GALNT18: variants seen among roughly 807,000 people sequenced by gnomAD.
GALNT18 encodes GalNAc-transferase 18.
A neutral mutation model predicts 69.5 loss-of-function variants in GALNT18; 44 were observed. That is an observed-to-expected ratio of 0.63 (90% CI 0.50 to 0.81). The LOEUF (loss-of-function observed/expected upper bound fraction) is 0.81, where lower values mean the gene tolerates loss of function less well. GALNT18 is among the 40% of genes least tolerant of loss of function. The pLI is 0.00. For synonymous variants in GALNT18, 364 were observed against 318.2 expected, an observed-to-expected ratio of 1.14 and a Z score of -1.53; for missense variants, 715 against 810.0, an observed-to-expected ratio of 0.88 and a Z score of 1.42.
chr11:11,584,964 T>C lies in GALNT18; in HGVS notation c.235+36395A>G, dbSNP rs185251677. ...ATTATGGAAAACTTGCCTCCACCAC[T>C]ATGAGCTTGACGGCTTCCCAACACC... On this transcript the variant is annotated intron_variant, in intron 1 of 10. Coordinates refer to ENST00000227756, the MANE Select transcript of GALNT18 (RefSeq NM_198516.3). This position sits in a 1 kb window ranked among gnomAD's most constrained non-coding sequence, Gnocchi z 4.1. Among the ~76,000 whole-genome samples, 1 of 152,308 alleles carries C rather than the reference T, an allele frequency of 6.6e-6. No homozygotes were observed. Among genetic ancestry groups the C allele is most frequent in the Non-Finnish European group, 1.5e-5 (1 of 68,028 alleles).
chr11:11,465,633 G>A lies in GALNT18; in HGVS notation c.236-16697C>T, dbSNP rs1036102523. On this transcript the variant is annotated intron_variant, in intron 1 of 10. Transcript: ENST00000227756. This position sits in a 1 kb window ranked among gnomAD's most constrained non-coding sequence, Gnocchi z 5.7. ...TTCTCTGCTGCTGGGGCTGATCAGGGGTAGAGAAATGGAGTGCCCAGACCA... is the reference window on the plus strand; with the variant it reads ...TTCTCTGCTGCTGGGGCTGATCAGGAGTAGAGAAATGGAGTGCCCAGACCA... Among the ~76,000 whole-genome samples, 4 of 152,030 alleles carry A rather than the reference G, an allele frequency of 2.6e-5. No individual in the cohort carries two copies. Among genetic ancestry groups the A allele is most frequent in the Non-Finnish European group, 4.4e-5 (3 of 68,014 alleles).
chr11:11,290,149 T>C (rs1406748803), intron 10 of GALNT18, among the ~76,000 whole-genome samples: 1 of 152,088 alleles, frequency 6.6e-6, no homozygotes, highest in African/African-American at 2.4e-5. Flanking sequence ...CCTGTCAACA[T>C]TTCCAGCCCA....
At chr11:11,516,027 G>A (rs1184509204) in intron 1 of GALNT18, among the ~76,000 whole-genome samples, 3 of 152,200 alleles carry the variant, frequency 2.0e-5, no homozygotes, top group African/African-American at 7.2e-5. Flanking sequence ...AAACAGCAGG[G>A]AAGCAGTCTA....
chr11:11,392,471 TA>T (rs1285236029), intron 3 of GALNT18, among the ~76,000 whole-genome samples: 3 of 151,976 alleles, frequency 2.0e-5, no homozygotes, highest in African/African-American at 4.8e-5. Context: ...AATACAAAAC[TA>T]GCTGGGTGTG....
rs192424840 is a variant in GALNT18, at chr11:11,566,145, T to A, written c.235+55214A>T. On this transcript the variant is annotated intron_variant, in intron 1 of 10. Coordinates refer to ENST00000227756, the MANE Select transcript of GALNT18 (RefSeq NM_198516.3). The stretch of plus-strand genomic sequence containing the variant: ...ATGCAAAGCATGAGCCTTGATTAGA[T>A]ACTGGATTACACAAACGTTAATGCA... Among the ~76,000 whole-genome samples the A allele has an allele frequency of 2.2e-4, 33 of 152,364 alleles. No homozygotes were observed. The East Asian group carries it at 6.4e-3, about 29-fold the overall frequency.
chr11:11,512,412 T>A (rs1182364711), intron 1 of GALNT18, among the ~76,000 whole-genome samples: 1 of 151,324 alleles, frequency 6.6e-6, no homozygotes, highest in Non-Finnish European at 1.5e-5. Context: ...TTACAGATTC[T>A]CTCTGGATTT....
In GALNT18 at chr11:11,605,562, C is replaced by T. The variant is rs1207341263; in HGVS notation, c.235+15797G>A. 6.6e-6 allele frequency among the ~76,000 whole-genome samples: 1 copy of T among 152,180 alleles called. No homozygotes were observed. The highest frequency in any genetic ancestry group is 2.4e-5 in the African/African-American group (1 of 41,438). ...GAGGGAAAGCCAGAGGCCAACTTCC[C>T]TTTACCTCTGGGGTCCCAAGCACTC... On this transcript the variant is annotated intron_variant, in intron 1 of 10. Transcript: ENST00000227756. The surrounding 1 kb of genome is among the most constrained non-coding windows in gnomAD (Gnocchi z 4.7).
Position 11,591,188 on chromosome 11 carries a change from G to A in GALNT18, c.235+30171C>T, listed in dbSNP as rs1013449698. Among the ~76,000 whole-genome samples the A allele has an allele frequency of 2.7e-5, 4 of 147,914 alleles. No individual in the cohort carries two copies. The highest frequency in any genetic ancestry group is 1.0e-4 in the African/African-American group (4 of 39,778). ...TGTGTGTGTGTGTGTGTGTGTGTTAGTTTTTAAGCCTTTTTAAGGCCTTTT... is the reference window on the plus strand; with the variant it reads ...TGTGTGTGTGTGTGTGTGTGTGTTAATTTTTAAGCCTTTTTAAGGCCTTTT... On this transcript the variant is annotated intron_variant, in intron 1 of 10. Transcript: ENST00000227756. This position sits in a 1 kb window ranked among gnomAD's most constrained non-coding sequence, Gnocchi z 4.8.
At position 11,488,300 on chromosome 11, in the gene GALNT18, T is replaced by C. The variant is rs145626014; in HGVS notation, c.236-39364A>G. ...CCATTTTCTTTCCTTTTTCAGCTTC[T>C]ATAAGCTTCCCGCATTCCTTGACTC... On this transcript the variant is annotated intron_variant, in intron 1 of 10. Coordinates refer to ENST00000227756, the MANE Select transcript of GALNT18 (RefSeq NM_198516.3). Among the ~76,000 whole-genome samples the C allele has an allele frequency of 1.8e-3, 279 of 152,330 alleles. 2 individuals are homozygous for C. The highest frequency in any genetic ancestry group is 6.3e-3 in the African/African-American group (263 of 41,574).
rs1859368033 is a variant in GALNT18 at position 11,591,836 on chromosome 11, T to C, written c.235+29523A>G. On this transcript the variant is annotated intron_variant, in intron 1 of 10. Coordinates refer to ENST00000227756, the MANE Select transcript of GALNT18 (RefSeq NM_198516.3). This position sits in a 1 kb window ranked among gnomAD's most constrained non-coding sequence, Gnocchi z 4.8. The stretch of plus-strand genomic sequence containing the variant: ...ACACACCTATAATCTTGAAAGCCAA[T>C]ACCCAGCTGTGATTAGATGTTATGA... Among the ~76,000 whole-genome samples the C allele has an allele frequency of 6.6e-6, 1 of 152,124 alleles. No individual in the cohort carries two copies. The highest frequency in any genetic ancestry group is 1.5e-5 in the Non-Finnish European group (1 of 68,024).
At chr11:11,352,070 A>T (rs774525526) in intron 6 of GALNT18, 1 of 1,613,700 alleles carries the variant, frequency 6.2e-7, no homozygotes, top group Non-Finnish European at 8.5e-7. Context: ...CTGACATCAC[A>T]TTGGCGCTGC....
intron 10 of GALNT18, among the ~76,000 whole-genome samples, chr11:11,286,502 T>TC (rs774006036): frequency 1.2e-4 from 18 of 151,530 alleles, no homozygotes; most frequent in Admixed American, 7.9e-4. Context: ...CTTTTTTTTT[T>TC]CTCCAGTGAG....
rs1856953979 is a variant in GALNT18, at chr11:11,500,546, T to C, written c.236-51610A>G. On this transcript the variant is annotated intron_variant, in intron 1 of 10. Coordinates refer to ENST00000227756, the MANE Select transcript of GALNT18 (RefSeq NM_198516.3). The surrounding 1 kb of genome is among the most constrained non-coding windows in gnomAD (Gnocchi z 5.0). Reference sequence around the variant, plus strand: ...GAGATGCGCCATGGGCATCTCTCAGTAGAAGGCAGCAGGGATGCTGGCAAG... The same window carrying C: ...GAGATGCGCCATGGGCATCTCTCAGCAGAAGGCAGCAGGGATGCTGGCAAG... 6.6e-6 allele frequency among the ~76,000 whole-genome samples: 1 copy of C among 152,110 alleles called. No homozygotes were observed. Among genetic ancestry groups the C allele is most frequent in the Non-Finnish European group, 1.5e-5 (1 of 68,022 alleles).
rs1003284265 is a variant in GALNT18, at chr11:11,332,405, G to A, written c.1416+289C>T. Among the ~76,000 whole-genome samples the A allele has an allele frequency of 6.6e-6, 1 of 152,170 alleles. No homozygotes were observed. Among genetic ancestry groups the A allele is most frequent in the African/African-American group, 2.4e-5 (1 of 41,434 alleles). ...TTGTTACCTTACCTTTTAATCTTAA[G>A]CTAACTGCTTTATTATGTGTTTTAT... On this transcript the variant is annotated intron_variant, in intron 8 of 10. Coordinates refer to ENST00000227756, the MANE Select transcript of GALNT18 (RefSeq NM_198516.3). This position sits in a 1 kb window ranked among gnomAD's most constrained non-coding sequence, Gnocchi z 4.3.
chr11:11,295,304 A>G (rs2133008939), intron 9 of GALNT18, among the ~76,000 whole-genome samples: 1 of 152,282 alleles, frequency 6.6e-6, no homozygotes, highest in Non-Finnish European at 1.5e-5. Flanking sequence ...AGGAGTATGT[A>G]ATAAAGGCAC....
intron 1 of GALNT18, among the ~76,000 whole-genome samples, chr11:11,571,465 C>G (rs944309738): frequency 1.3e-5 from 2 of 152,112 alleles, no homozygotes; most frequent in African/African-American, 4.8e-5. Context: ...CTTCCAGAAG[C>G]CCCCCAAGGC....
chr11:11,539,808 A>G (rs1032432273), intron 1 of GALNT18, among the ~76,000 whole-genome samples: 9 of 152,248 alleles, frequency 5.9e-5, no homozygotes, highest in Non-Finnish European at 1.2e-4. Flanking sequence ...ACAAAACCTT[A>G]GTACCAAAGT....
In GALNT18 at chr11:11,497,750, C is replaced by CCA; in HGVS notation, c.236-48815_236-48814insTG. 6.9e-6 allele frequency among the ~76,000 whole-genome samples: 1 copy of CCA among 144,926 alleles called. No individual in the cohort carries two copies. Among genetic ancestry groups the CCA allele is most frequent in the South Asian group, 2.2e-4 (1 of 4,558 alleles). ...ATGTGTATGTGCATATACATATTTT[C>CCA]TATATATATATATATATACACACAC... On this transcript the variant is annotated intron_variant, in intron 1 of 10. Coordinates refer to ENST00000227756, the MANE Select transcript of GALNT18 (RefSeq NM_198516.3). This position sits in a 1 kb window ranked among gnomAD's most constrained non-coding sequence, Gnocchi z 4.2.
At chr11:11,427,953 A>G (rs755744712) in intron 3 of GALNT18, among the ~76,000 whole-genome samples, 2 of 152,202 alleles carry the variant, frequency 1.3e-5, no homozygotes, top group Non-Finnish European at 2.9e-5. Flanking sequence ...CCATGGCCAG[A>G]AAGCAGCAGA....
Sources: gnomAD v4.1 joint callset for allele counts (sites outside exome capture counted in the v4.1 genomes callset) on GRCh38, gnomAD v4.1.1 for gene constraint, Gnocchi (gnomAD v3.1) non-coding constraint, MANE v1.5 for transcripts, NCBI Gene and HGNC (gene_info 2026-07-23, HGNC 2026-07-21) for gene names.